Variants in APOBEC3F observed in about 807,000 individuals in gnomAD.
The protein encoded by APOBEC3F is apolipoprotein B mRNA editing enzyme catalytic subunit 3F.
Under a neutral mutation model 45.8 loss-of-function variants are expected in APOBEC3F, and 34 were observed. The ratio of observed to expected loss-of-function variants is 0.74; its 90% confidence interval spans 0.57 to 0.99. The LOEUF (loss-of-function observed/expected upper bound fraction) is 0.99, where lower values mean the gene tolerates loss of function less well. APOBEC3F is among the 50% of genes least tolerant of loss of function. APOBEC3F has a pLI of 0.00. For missense variants in APOBEC3F, 459 were observed against 474.1 expected, an observed-to-expected ratio of 0.97 and a Z score of 0.30; for synonymous variants, 192 against 174.4, an observed-to-expected ratio of 1.10 and a Z score of -0.80.
Position 39,053,930 on chromosome 22 carries a change from C to T in APOBEC3F, c.*1235C>T, listed in dbSNP as rs1927610885. 6.6e-6 allele frequency: 1 copy of T among 152,218 alleles called. No individual in the cohort carries two copies. Among genetic ancestry groups the T allele is most frequent in the African/African-American group, 2.4e-5 (1 of 41,446 alleles). 9.4% of individuals were successfully genotyped at this position (152,218 alleles called of 1,614,324 possible). ...CTTGGACTCCTTGCTATAATCGCAG[C>T]TATTCAGCAATGGAACCTCCCAGTT... On this transcript the variant is annotated 3_prime_UTR_variant, in exon 7 of 7. Coordinates refer to ENST00000308521, the MANE Select transcript of APOBEC3F (RefSeq NM_145298.6).
intron 4 of APOBEC3F, among the ~76,000 whole-genome samples, chr22:39,046,687 G>T (rs185859624): frequency 1.3e-5 from 2 of 151,084 alleles, no homozygotes; most frequent in African/African-American, 4.9e-5. Flanking sequence ...GTGCGATCTC[G>T]GCTCACTGCA....
chr22:39,045,050 C>G lies in APOBEC3F; in HGVS notation c.281C>G (p.Thr94Ser), dbSNP rs748397885. 2 of 1,613,974 alleles carry G rather than the reference C, an allele frequency of 1.2e-6. No homozygotes were observed. Among genetic ancestry groups the G allele is most frequent in the South Asian group, 2.2e-5 (2 of 91,050 alleles). Residue 94 changes from threonine to serine, a missense_variant, in exon 3 of 7, where the codon ACC (threonine) becomes AGC (serine). Physicochemically the swap from Thr to Ser is moderately conservative, Grantham distance 58 (BLOSUM62 1). Transcript: ENST00000308521. Reference protein sequence around the residue: ...CFQITWFVSWTPCPDCVAKLA... With the variant: ...CFQITWFVSWSPCPDCVAKLA... ...CAGATCACCTGGTTTGTATCCTGGA[C>G]CCCCTGCCCGGACTGTGTGGCGAAG...
intron 2 of APOBEC3F, 84 bp from the exon 3 acceptor site, chr22:39,044,857 C>T: frequency 2.3e-6 from 3 of 1,295,324 alleles, no homozygotes; most frequent in South Asian, 2.9e-5. Context: ...GGCTCCTGTC[C>T]TGGCCCCTCC....
chr22:39,048,806 A>AAAAT (rs1375095291), intron 4 of APOBEC3F, among the ~76,000 whole-genome samples: 3 of 151,594 alleles, frequency 2.0e-5, no homozygotes, highest in Admixed American at 6.6e-5. Context: ...ACCCCGTATA[A>AAAAT]AAATAAATAA....
chr22:39,045,622 C>G (rs780973369), intron 4 of APOBEC3F, 80 bp downstream of exon 4: 131 of 1,600,300 alleles, frequency 8.2e-5, no homozygotes, highest in Non-Finnish European at 1.1e-4. Context: ...TGGCCAGGCC[C>G]TCCTGCCCTC....
intron 2 of APOBEC3F, chr22:39,044,154 T>C: frequency 1.9e-6 from 3 of 1,593,036 alleles, no homozygotes; most frequent in Non-Finnish European, 1.7e-6. Context: ...CCCCACCACA[T>C]GGGACAGCGC....
chr22:39,045,621 C>A, intron 4 of APOBEC3F, 79 bp downstream of exon 4: 1 of 1,599,836 alleles, frequency 6.3e-7, no homozygotes, highest in Non-Finnish European at 8.5e-7. Flanking sequence ...CTGGCCAGGC[C>A]CTCCTGCCCT....
chr22:39,052,582 A>C lies in APOBEC3F; in HGVS notation c.1009A>C (p.Lys337Gln), dbSNP rs766335878. 8.1e-6 allele frequency: 13 copies of C among 1,612,508 alleles called. No homozygotes were observed. The highest frequency in any genetic ancestry group is 2.7e-5 in the African/African-American group (2 of 74,818). Residue 337 changes from lysine to glutamine, a missense_variant, in exon 7 of 7, where the codon AAA (lysine) becomes CAA (glutamine). Transcript: ENST00000308521. ...TTCTCCTTGTTTTTTCTCAGATTTT[A>C]AATATTGTTGGGAAAACTTTGTGTA... ...SVEIMGYKDF[K>Q]YCWENFVYND...
In APOBEC3F at chr22:39,045,435, A is replaced by T. The variant is rs768038660; in HGVS notation, c.459A>T (p.Ala153=). The change falls in exon 4 of 7, where the codon GCA becomes GCT. Residue 153 remains alanine, a synonymous_variant. Transcript: ENST00000308521. ...RVKIMDDEEF[A]YCWENFVYSE... Reference sequence around the variant, plus strand: ...CCTGCCTCTTCGTCTCAGAATTTGCATACTGCTGGGAAAACTTTGTGTACA... The same window carrying T: ...CCTGCCTCTTCGTCTCAGAATTTGCTTACTGCTGGGAAAACTTTGTGTACA... 5 of 1,614,086 alleles carry T rather than the reference A, an allele frequency of 3.1e-6. No individual in the cohort carries two copies. The highest frequency in any genetic ancestry group is 4.2e-6 in the Non-Finnish European group (5 of 1,179,990).
chr22:39,044,723 C>G (rs1927114245), intron 2 of APOBEC3F, among the ~76,000 whole-genome samples: 1 of 152,170 alleles, frequency 6.6e-6, no homozygotes, highest in Non-Finnish European at 1.5e-5. Context: ...ATAGCCTCTT[C>G]TAGGTGCCAC....
At chr22:39,042,657 G>T (rs1216880865) in intron 1 of APOBEC3F, among the ~76,000 whole-genome samples, 1 of 152,100 alleles carries the variant, frequency 6.6e-6, no homozygotes, top group African/African-American at 2.4e-5. Context: ...TTGGAGAATG[G>T]GTGGGAGAAA....
chr22:39,046,687 G>A (rs185859624), intron 4 of APOBEC3F, among the ~76,000 whole-genome samples: 6 of 151,198 alleles, frequency 4.0e-5, no homozygotes, highest in African/African-American at 9.7e-5. Context: ...GTGCGATCTC[G>A]GCTCACTGCA....
rs764419617 is a variant in APOBEC3F at position 39,052,234 on chromosome 22, G to A, written c.884G>A (p.Ser295Asn). 6.2e-7 allele frequency: 1 copy of A among 1,614,208 alleles called. No individual in the cohort carries two copies. ...GTGGCCGAGTTCCTGGCCAGGCACAGCAACGTGAATCTCACCATCTTCACC... is the reference window on the plus strand; with the variant it reads ...GTGGCCGAGTTCCTGGCCAGGCACAACAACGTGAATCTCACCATCTTCACC... The part of the protein sequence containing the change: ...GEVAEFLARH[S>N]NVNLTIFTAR... The change falls in exon 6 of 7, where the codon AGC becomes AAC. Residue 295 changes from serine (S) to asparagine (N), a missense_variant. Physicochemically the swap from Ser to Asn is conservative, Grantham distance 46. Coordinates refer to ENST00000308521, the MANE Select transcript of APOBEC3F (RefSeq NM_145298.6).
chr22:39,044,945 A>G lies in APOBEC3F; in HGVS notation c.176A>G (p.Tyr59Cys), dbSNP rs1927127927. 6.2e-7 allele frequency: 1 copy of G among 1,613,052 alleles called. No individual in the cohort carries two copies. Among genetic ancestry groups the G allele is most frequent in the South Asian group, 1.1e-5 (1 of 91,018 alleles). Residue 59 changes from tyrosine to cysteine, a missense_variant, in exon 3 of 7, where the codon TAT becomes TGT. Transcript: ENST00000308521. Reference protein sequence around the residue: ...LDAKIFRGQVYSQPEHHAEMC... With the variant: ...LDAKIFRGQVCSQPEHHAEMC... Reference sequence around the variant, plus strand: ...TGCCCCCTGCTCCTCTCCCAGGTGTATTCCCAGCCTGAGCACCACGCAGAA... The same window carrying G: ...TGCCCCCTGCTCCTCTCCCAGGTGTGTTCCCAGCCTGAGCACCACGCAGAA...
In APOBEC3F at chr22:39,052,068, C is replaced by T; in HGVS notation, c.724-6C>T. On this transcript the variant is annotated splice_polypyrimidine_tract_variant and splice_region_variant and intron_variant, in intron 5 of 6. Coordinates refer to ENST00000308521, the MANE Select transcript of APOBEC3F (RefSeq NM_145298.6). The stretch of plus-strand genomic sequence containing the variant: ...CTCCCCTGCCCTCCTCCTCCTCCTT[C>T]CCCAGGTGGATCCTGAGACCCATTG... 1 of 1,610,938 alleles carries T rather than the reference C, an allele frequency of 6.2e-7. No homozygotes were observed. The highest frequency in any genetic ancestry group is 8.5e-7 in the Non-Finnish European group (1 of 1,177,446).
chr22:39,043,451 C>T (rs1263078447), intron 2 of APOBEC3F, among the ~76,000 whole-genome samples: 1 of 148,516 alleles, frequency 6.7e-6, no homozygotes, highest in Non-Finnish European at 1.5e-5. Flanking sequence ...CAGGTGCCCA[C>T]CACCACGCCC....
intron 4 of APOBEC3F, among the ~76,000 whole-genome samples, chr22:39,045,997 G>A (rs893147323): frequency 6.6e-6 from 1 of 151,776 alleles, no homozygotes; most frequent in Non-Finnish European, 1.5e-5. Context: ...AGATGCCCCC[G>A]GGCCGGGTGC....
chr22:39,047,296 G>T (rs1261140737), intron 4 of APOBEC3F, among the ~76,000 whole-genome samples: 1 of 152,088 alleles, frequency 6.6e-6, no homozygotes, highest in East Asian at 1.9e-4. Context: ...TGATTCCTGA[G>T]GGCAGGATCC....
At chr22:39,043,354 G>A (rs932438676) in intron 2 of APOBEC3F, among the ~76,000 whole-genome samples, 1 of 149,124 alleles carries the variant, frequency 6.7e-6, no homozygotes, top group African/African-American at 2.5e-5. Context: ...AGGCTGGAGT[G>A]CAATGACGCG....
Sources: gnomAD v4.1 joint callset for allele counts (sites outside exome capture counted in the v4.1 genomes callset) on GRCh38, gnomAD v4.1.1 for gene constraint, MANE v1.5 for transcripts, NCBI Gene and HGNC (gene_info 2026-07-23, HGNC 2026-07-21) for gene names.